FBXW7: variants seen among roughly 807,000 people sequenced by gnomAD.
FBXW7 encodes the protein F-box and WD repeat domain containing 7.
In FBXW7, 11 loss-of-function variants were observed where a neutral mutation model predicts 86.3. The observed-to-expected ratio is 0.13, with a 90% CI of 0.08 to 0.21. The LOEUF is 0.21. Among genes scored for constraint, FBXW7 ranks in the 10% least tolerant of loss-of-function variants. The pLI, the probability that FBXW7 is intolerant of heterozygous loss-of-function variation, is 1.00. For synonymous variants in FBXW7, 313 were observed against 297.9 expected, an observed-to-expected ratio of 1.05 and a Z score of -0.52; for missense variants, 488 against 847.4, an observed-to-expected ratio of 0.58 and a Z score of 5.27.
intron 4 of FBXW7, among the ~76,000 whole-genome samples, chr4:152,392,555 AG>A (rs1238975798): frequency 6.6e-6 from 1 of 152,178 alleles, no homozygotes. Flanking sequence ...TGCCACCCAG[AG>A]TTAACAATGG....
chr4:152,403,088 A>G (rs1002859445), intron 4 of FBXW7, among the ~76,000 whole-genome samples: 1 of 152,184 alleles, frequency 6.6e-6, no homozygotes, highest in Non-Finnish European at 1.5e-5. Flanking sequence ...CATGTTAAAT[A>G]TATCATTAGT....
At chr4:152,351,550 G>A (rs185724543) in intron 4 of FBXW7, among the ~76,000 whole-genome samples, 3 of 152,164 alleles carry the variant, frequency 2.0e-5, no homozygotes, top group Admixed American at 2.0e-4. Context: ...TATAAAAGCT[G>A]AAGTATATAG....
At chr4:152,333,520 T>TG (rs1729772853) in intron 7 of FBXW7, among the ~76,000 whole-genome samples, 1 of 152,014 alleles carries the variant, frequency 6.6e-6, no homozygotes, top group Non-Finnish European at 1.5e-5. Flanking sequence ...CTCTGACTGA[T>TG]TATTCAAGTA....
intron 6 of FBXW7, among the ~76,000 whole-genome samples, chr4:152,345,588 GA>G (rs1450599070): frequency 6.6e-6 from 1 of 151,890 alleles, no homozygotes; most frequent in African/African-American, 2.4e-5. Context: ...AAAATGTCTT[GA>G]GACACTTTTG....
At chr4:152,414,016 A>AT (rs1180188825) in intron 2 of FBXW7, among the ~76,000 whole-genome samples, 4 of 152,116 alleles carry the variant, frequency 2.6e-5, no homozygotes, top group Non-Finnish European at 2.9e-5. Context: ...ATACTGAGCC[A>AT]TTGCTCCTAG....
At chr4:152,356,871 T>C (rs577093686) in intron 4 of FBXW7, among the ~76,000 whole-genome samples, 13 of 152,346 alleles carry the variant, frequency 8.5e-5, no homozygotes, top group African/African-American at 3.1e-4. Flanking sequence ...ATTTATTCAT[T>C]CAGTAAGCAT....
intron 2 of FBXW7, among the ~76,000 whole-genome samples, chr4:152,475,835 TAATCA>T (rs1391578187): frequency 6.6e-6 from 1 of 152,056 alleles, no homozygotes; most frequent in Non-Finnish European, 1.5e-5. Flanking sequence ...CTGATGAAAA[TAATCA>T]AAGACCTAAA....
At chr4:152,479,406 A>C (rs369126321) in intron 2 of FBXW7, among the ~76,000 whole-genome samples, 1 of 152,152 alleles carries the variant, frequency 6.6e-6, no homozygotes, top group East Asian at 1.9e-4. Flanking sequence ...TCCAAGGGCA[A>C]ATGAAAATTT....
intron 2 of FBXW7, among the ~76,000 whole-genome samples, chr4:152,442,449 G>A (rs1258622758): frequency 3.3e-5 from 5 of 152,156 alleles, no homozygotes; most frequent in Non-Finnish European, 7.3e-5. Context: ...GTTCCAACAG[G>A]TTCTATTCCA....
At position 152,535,711 on chromosome 4, in the gene FBXW7, G is replaced by A. The variant is rs1750488212; in HGVS notation, c.-797C>T. On this transcript the variant is annotated 5_prime_UTR_variant, in exon 1 of 14. Coordinates refer to ENST00000281708, the MANE Select transcript of FBXW7 (RefSeq NM_001349798.2). ...TCTCGCCCCACGCCCCACGGGACGA[G>A]GCAGAAGCTCTGGCGCCTCCTCAGC... 1 of 395,672 alleles carries A rather than the reference G, an allele frequency of 2.5e-6. No homozygotes were observed. Among genetic ancestry groups the A allele is most frequent in the Non-Finnish European group, 4.5e-6 (1 of 223,992 alleles). The allele number at this position is 395,672 out of a possible 1,614,324, so 24.5% of individuals were successfully genotyped here. A position where few individuals can be genotyped will look rare whatever the true frequency, so the allele number is the denominator to read the frequency against.
chr4:152,347,696 T>C (rs906922885), intron 5 of FBXW7, among the ~76,000 whole-genome samples: 2 of 152,134 alleles, frequency 1.3e-5, no homozygotes, highest in Non-Finnish European at 2.9e-5. Context: ...TAAGAACTTA[T>C]ATGCAAAACT....
intron 2 of FBXW7, among the ~76,000 whole-genome samples, chr4:152,515,025 G>A (rs77205263): frequency 0.014 from 2,086 of 152,264 alleles, 26 homozygotes; most frequent in Middle Eastern, 0.037. Flanking sequence ...ACACAAGCAC[G>A]TATGGTTTAA....
chr4:152,424,807 A>C (rs1338114416), intron 2 of FBXW7, among the ~76,000 whole-genome samples: 2 of 152,228 alleles, frequency 1.3e-5, no homozygotes, highest in African/African-American at 2.4e-5. Flanking sequence ...TAGGCAAATA[A>C]AGTGACACTG....
At chr4:152,456,220 T>C (rs1380913005) in intron 2 of FBXW7, among the ~76,000 whole-genome samples, 2 of 151,556 alleles carry the variant, frequency 1.3e-5, no homozygotes, top group East Asian at 1.9e-4. Flanking sequence ...AGACAAACAA[T>C]ACAATGAAAA....
intron 2 of FBXW7, among the ~76,000 whole-genome samples, chr4:152,503,093 G>T (rs1747104813): frequency 6.6e-6 from 1 of 152,128 alleles, no homozygotes; most frequent in Non-Finnish European, 1.5e-5. Flanking sequence ...AATTTTGTTA[G>T]AAAATTATGA....
chr4:152,366,881 G>A (rs1193047272), intron 4 of FBXW7, among the ~76,000 whole-genome samples: 1 of 152,120 alleles, frequency 6.6e-6, no homozygotes, highest in Non-Finnish European at 1.5e-5. Flanking sequence ...CAACCCAAAT[G>A]TCCATCAATG....
intron 2 of FBXW7, among the ~76,000 whole-genome samples, chr4:152,509,380 A>G (rs1372028096): frequency 6.6e-6 from 1 of 152,182 alleles, no homozygotes; most frequent in Non-Finnish European, 1.5e-5. Context: ...CTAAAAAAAA[A>G]GGTGAAACCA....
chr4:152,402,548 A>G (rs768079239), intron 4 of FBXW7, among the ~76,000 whole-genome samples: 4 of 152,226 alleles, frequency 2.6e-5, no homozygotes, highest in Non-Finnish European at 4.4e-5. Context: ...AAACGTTAAC[A>G]AAAGTACAAC....
intron 2 of FBXW7, among the ~76,000 whole-genome samples, chr4:152,513,632 C>T (rs541254294): frequency 6.6e-6 from 1 of 152,342 alleles, no homozygotes; most frequent in Admixed American, 6.5e-5. Context: ...TATCTCTGGA[C>T]TGAGGAAGTG....
Sources: gnomAD v4.1 joint callset for allele counts (sites outside exome capture counted in the v4.1 genomes callset) on GRCh38, gnomAD v4.1.1 for gene constraint, MANE v1.5 for transcripts, NCBI Gene and HGNC (gene_info 2026-07-23, HGNC 2026-07-21) for gene names.